The following HHIP variants were observed in gnomAD, a reference collection of about 807,000 sequenced individuals.
HHIP encodes hedgehog interacting protein.
Under a neutral mutation model 74.0 loss-of-function variants are expected in HHIP, and 12 were observed. That is an observed-to-expected ratio of 0.16 (90% confidence interval 0.10 to 0.26). The LOEUF (loss-of-function observed/expected upper bound fraction) is 0.26. Ranked by LOEUF, HHIP falls within the 10% of genes least tolerant of loss-of-function variation. The pLI is 1.00. For missense variants in HHIP, 788 were observed against 845.0 expected (o/e 0.93, Z 0.84); for synonymous variants, 309 against 311.6 (o/e 0.99, Z 0.09).
chr4:144,657,621 A>G (rs1328498387), intron 2 of HHIP, among the ~76,000 whole-genome samples: 2 of 152,164 alleles, frequency 1.3e-5, no homozygotes, highest in Non-Finnish European at 2.9e-5. Flanking sequence ...AAGTAATATC[A>G]AAACTTTTTT....
chr4:144,673,100 T>A (rs1704875873), intron 4 of HHIP, among the ~76,000 whole-genome samples: 1 of 152,222 alleles, frequency 6.6e-6, no homozygotes, highest in South Asian at 2.1e-4. Context: ...TGACTTCTAG[T>A]ACCAGCTCTG....
chr4:144,744,552 G>A lies in HHIP; in HGVS notation c.*6595G>A, dbSNP rs996362693. 6.6e-6 allele frequency: 1 copy of A among 152,256 alleles called. No homozygotes were observed. Among genetic ancestry groups the A allele is most frequent in the Non-Finnish European group, 1.5e-5 (1 of 68,026 alleles). 9.4% of individuals were successfully genotyped at this position (152,256 alleles called of 1,614,324 possible). On this transcript the variant is annotated 3_prime_UTR_variant, in exon 13 of 13. Transcript: ENST00000296575. ...GGAGCAGGGCTATCATATGTACTAG[G>A]TGAGATTTCTATAAATGTCTGAAAA...
chr4:144,660,126 A>G, intron 4 of HHIP: 2 of 501,750 alleles, frequency 4.0e-6, no homozygotes, highest in Non-Finnish European at 3.5e-6. Flanking sequence ...TATTGTTTAA[A>G]TATTGTTTAA....
chr4:144,710,481 T>G (rs1468258439), intron 7 of HHIP, among the ~76,000 whole-genome samples: 1 of 152,234 alleles, frequency 6.6e-6, no homozygotes, highest in East Asian at 1.9e-4. Flanking sequence ...GTTTTTTGTT[T>G]GTTCTTTTAT....
intron 11 of HHIP, among the ~76,000 whole-genome samples, chr4:144,725,860 G>A (rs939664254): frequency 6.6e-6 from 1 of 151,972 alleles, no homozygotes; most frequent in African/African-American, 2.4e-5. Flanking sequence ...TGTAGAGACG[G>A]GGGTTTCACC....
At chr4:144,648,530 T>A (rs1728332861) in intron 1 of HHIP, 1 of 152,232 alleles carries the variant, frequency 6.6e-6, no homozygotes, top group Non-Finnish European at 1.5e-5. Flanking sequence ...TTTAAGCTCC[T>A]GTGTTGCAAC....
At chr4:144,688,283 T>G (rs1279165897) in intron 4 of HHIP, among the ~76,000 whole-genome samples, 1 of 152,122 alleles carries the variant, frequency 6.6e-6, no homozygotes, top group Non-Finnish European at 1.5e-5. Flanking sequence ...AAAAAAAAAT[T>G]GTGCTTGATT....
chr4:144,652,582 T>G, intron 1 of HHIP, 23 bp from the exon 2 acceptor site: 1 of 1,509,354 alleles, frequency 6.6e-7, no homozygotes, highest in Non-Finnish European at 9.0e-7. Flanking sequence ...AAAAAAAGTT[T>G]GCTTCTGATT....
Position 144,742,574 on chromosome 4 carries a change from A to G in HHIP, c.*4617A>G, listed in dbSNP as rs1381817584. On this transcript the variant is annotated 3_prime_UTR_variant, in exon 13 of 13. Coordinates refer to ENST00000296575, the MANE Select transcript of HHIP (RefSeq NM_022475.3). ...GAAGCAGTTCCTCAATGGAGACTTT[A>G]TAAATCTTAATTTCCTCACCCCTGG... 1 of 151,892 alleles carries G rather than the reference A, an allele frequency of 6.6e-6. No homozygotes were observed. The highest frequency in any genetic ancestry group is 1.5e-5 in the Non-Finnish European group (1 of 67,938). The allele number at this position is 151,892 out of a possible 1,614,324, so 9.4% of individuals were successfully genotyped here. A position where few individuals can be genotyped will look rare whatever the true frequency, so the allele number is the denominator to read the frequency against.
intron 11 of HHIP, among the ~76,000 whole-genome samples, chr4:144,730,616 A>C (rs1011495673): frequency 1.1e-4 from 16 of 152,162 alleles, no homozygotes; most frequent in African/African-American, 3.4e-4. Flanking sequence ...TTAAGTAAGA[A>C]AATGGGTTAA....
chr4:144,688,913 G>T (rs755236227), intron 4 of HHIP, among the ~76,000 whole-genome samples: 8 of 152,130 alleles, frequency 5.3e-5, no homozygotes, highest in Non-Finnish European at 1.2e-4. Flanking sequence ...CTTCAAGCTT[G>T]GTGTGTTATA....
At chr4:144,722,779 A>G (rs1472995042) in intron 11 of HHIP, among the ~76,000 whole-genome samples, 1 of 152,072 alleles carries the variant, frequency 6.6e-6, no homozygotes, top group East Asian at 1.9e-4. Context: ...ACTTGAATCC[A>G]GGAGGTGGAG....
intron 4 of HHIP, among the ~76,000 whole-genome samples, chr4:144,679,179 C>T (rs1020070206): frequency 6.6e-6 from 1 of 151,968 alleles, no homozygotes. Context: ...TAAATGCCTT[C>T]TTTTGAGAAG....
chr4:144,672,100 G>C (rs1730271381), intron 4 of HHIP, among the ~76,000 whole-genome samples: 1 of 152,190 alleles, frequency 6.6e-6, no homozygotes, highest in Non-Finnish European at 1.5e-5. Context: ...AAAGATAAGG[G>C]TTCAGTGTGA....
rs1730196008 is a variant in HHIP at position 144,708,110 on chromosome 4, T to C, written c.1158-58T>C. 7 of 1,532,384 alleles carry C rather than the reference T, an allele frequency of 4.6e-6. No individual in the cohort carries two copies. The African/African-American group carries it at 8.2e-5, about 18-fold the overall frequency. 94.9% of individuals were successfully genotyped at this position (1,532,384 alleles called of 1,614,324 possible). On this transcript the variant is annotated intron_variant, in intron 6 of 12. Coordinates refer to ENST00000296575, the MANE Select transcript of HHIP (RefSeq NM_022475.3). ...AATAGAGCAACCTCACCATATTTAATATAGGTGAAATATATAATGAAAATG... is the reference window on the plus strand; with the variant it reads ...AATAGAGCAACCTCACCATATTTAACATAGGTGAAATATATAATGAAAATG...
At chr4:144,675,382 T>C (rs889137691) in intron 4 of HHIP, among the ~76,000 whole-genome samples, 2 of 152,126 alleles carry the variant, frequency 1.3e-5, no homozygotes, top group Admixed American at 1.3e-4. Flanking sequence ...TTGTCTTCAT[T>C]ACGAGAAAGT....
Position 144,737,892 on chromosome 4 carries a change from G to A in HHIP, c.2038G>A (p.Gly680Ser), listed in dbSNP as rs761247760. Reference protein sequence around the residue: ...DRNIRRVTRAGILDQIIDMTS... With the variant: ...DRNIRRVTRASILDQIIDMTS... ...AAACATCCGCAGAGTGACCAGGGCA[G>A]GTATTCTTGATCAGATCATTGACAT... Residue 680 changes from glycine to serine, a missense_variant, in exon 13 of 13, where the codon GGT becomes AGT. Physicochemically the swap from Gly to Ser is moderately conservative, Grantham distance 56. Coordinates refer to ENST00000296575, the MANE Select transcript of HHIP (RefSeq NM_022475.3). 1.9e-6 allele frequency: 3 copies of A among 1,613,440 alleles called. No individual in the cohort carries two copies. In the East Asian group the frequency reaches 6.7e-5, roughly 36 times the overall value.
chr4:144,693,734 G>A (rs1476618698), intron 4 of HHIP, among the ~76,000 whole-genome samples: 2 of 151,724 alleles, frequency 1.3e-5, no homozygotes, highest in East Asian at 3.9e-4. Flanking sequence ...TATTCTATCT[G>A]AATGGAGTAG....
At chr4:144,703,631 T>C (rs1046386267) in intron 4 of HHIP, among the ~76,000 whole-genome samples, 1 of 152,120 alleles carries the variant, frequency 6.6e-6, no homozygotes, top group African/African-American at 2.4e-5. Context: ...ACCAACAGAA[T>C]GGGGCTTTGA....
Sources: allele counts gnomAD v4.1 joint callset (sites outside exome capture counted in the v4.1 genomes callset), GRCh38; gene constraint gnomAD v4.1.1; transcripts MANE v1.5; gene names NCBI Gene and HGNC (gene_info 2026-07-23, HGNC 2026-07-21).